Variants in VPS53 observed in about 807,000 individuals in gnomAD.
VPS53 encodes the protein VPS53 subunit of GARP complex.
Under a neutral mutation model 107.0 loss-of-function variants are expected in VPS53, and 70 were observed. The observed-to-expected ratio is 0.65, with a 90% confidence interval of 0.54 to 0.80. VPS53 has a LOEUF of 0.80. Ranked by LOEUF, VPS53 falls within the 30% of genes least tolerant of loss-of-function variation. The pLI, the probability that VPS53 is intolerant of heterozygous loss-of-function variation, is 0.00. For missense variants in VPS53, 917 were observed against 1,049.4 expected (o/e 0.87, Z 1.74); for synonymous variants, 409 against 393.3 (o/e 1.04, Z -0.47).
intron 2 of VPS53, among the ~76,000 whole-genome samples, chr17:709,113 G>A (rs745757274): frequency 1.3e-5 from 2 of 152,104 alleles, no homozygotes; most frequent in South Asian, 2.1e-4. Context: ...AGAACTTCCC[G>A]TTAAGCCCCT....
intron 13 of VPS53, among the ~76,000 whole-genome samples, chr17:564,652 G>C (rs1212905291): frequency 6.6e-6 from 1 of 152,078 alleles, no homozygotes; most frequent in East Asian, 1.9e-4. Context: ...AGGAGGCGGA[G>C]GTTGCTGTGA....
intron 13 of VPS53, among the ~76,000 whole-genome samples, chr17:565,929 C>T (rs1280657847): frequency 6.6e-6 from 1 of 152,154 alleles, no homozygotes; most frequent in African/African-American, 2.4e-5. Flanking sequence ...ACCGGCCGGG[C>T]GCGGTGGCTC....
intron 7 of VPS53, among the ~76,000 whole-genome samples, chr17:643,313 CGAGGACAACACTCATACTTGGCAACT>C (rs1382668521): frequency 8.4e-6 from 1 of 119,746 alleles, no homozygotes; most frequent in African/African-American, 2.7e-5. Context: ...ACTGGGAAAC[CGAGGACAACACTCATACTTGGCAACT>C]GAGGACAACA....
At position 656,666 on chromosome 17, in the gene VPS53, T is replaced by C; in HGVS notation, c.373-713A>G. The C allele has an allele frequency of 5.4e-6, 3 of 560,492 alleles. No homozygotes were observed. The South Asian group carries it at 7.1e-5, about 13-fold the overall frequency. 34.7% of individuals were successfully genotyped at this position (560,492 alleles called of 1,614,324 possible). ...CTTTACTAACACCCAGGTGAAATCA[T>C]CCACTGTGTTTCTTGGTCCATGCTG... On this transcript the variant is annotated intron_variant, in intron 5 of 21. Transcript: ENST00000437048.
At position 515,360 on chromosome 17, in the gene VPS53, T is replaced by C. The variant is rs1908222904; in HGVS notation, c.*3768A>G. 6.6e-6 allele frequency: 1 copy of C among 152,144 alleles called. No individual in the cohort carries two copies. The highest frequency in any genetic ancestry group is 1.5e-5 in the Non-Finnish European group (1 of 68,106). 9.4% of individuals were successfully genotyped at this position (152,144 alleles called of 1,614,324 possible). On this transcript the variant is annotated 3_prime_UTR_variant, in exon 22 of 22. Transcript: ENST00000437048. ...GATCCTCCTGCTTCAGCCTCCTGAG[T>C]AGCTGGGATTACAGGCGCCCACCAC... is the stretch of plus-strand genomic sequence containing the variant.
chr17:553,539 T>A, intron 15 of VPS53, 77 bp from the exon 16 acceptor site: 2 of 1,130,076 alleles, frequency 1.8e-6, no homozygotes, highest in Non-Finnish European at 2.6e-6. Flanking sequence ...AGTTAACATT[T>A]ACTGCGTTTG....
At chr17:563,765 C>A (rs1487037692) in intron 13 of VPS53, among the ~76,000 whole-genome samples, 2 of 152,206 alleles carry the variant, frequency 1.3e-5, no homozygotes, top group Non-Finnish European at 2.9e-5. Context: ...AGCCTTTAAG[C>A]ACTCTACTTC....
chr17:593,240 T>C (rs1056226274), intron 12 of VPS53, among the ~76,000 whole-genome samples: 2 of 151,996 alleles, frequency 1.3e-5, no homozygotes, highest in Admixed American at 6.6e-5. Flanking sequence ...ATTCAGGACA[T>C]AGGCATGGGC....
chr17:662,873 C>CGAAGGAAGGAAG (rs1314091969), intron 4 of VPS53, among the ~76,000 whole-genome samples: 29 of 98,168 alleles, frequency 3.0e-4, no homozygotes, highest in African/African-American at 1.0e-3. Flanking sequence ...AAGGAAGGAA[C>CGAAGGAAGGAAG]GAAGGAAGGA....
At chr17:581,639 G>A (rs951616668) in intron 13 of VPS53, among the ~76,000 whole-genome samples, 8 of 134,142 alleles carry the variant, frequency 6.0e-5, no homozygotes, top group African/African-American at 8.5e-5. Flanking sequence ...CCCTAAGGAC[G>A]TAATGCATTC....
At chr17:568,738 C>A (rs1336956565) in intron 13 of VPS53, among the ~76,000 whole-genome samples, 1 of 152,152 alleles carries the variant, frequency 6.6e-6, no homozygotes, top group African/African-American at 2.4e-5. Context: ...CATGCTAGGA[C>A]CCAAATTTCT....
At chr17:627,042 GGAT>G in intron 10 of VPS53, 129 bp downstream of exon 10, 2 of 1,221,420 alleles carry the variant, frequency 1.6e-6, no homozygotes, top group Non-Finnish European at 2.2e-6. Flanking sequence ...TGGGGTACGA[GGAT>G]GATATTAGTC....
chr17:630,529 A>G (rs115717096), intron 8 of VPS53, among the ~76,000 whole-genome samples: 1 of 152,230 alleles, frequency 6.6e-6, no homozygotes, highest in African/African-American at 2.4e-5. Flanking sequence ...TTCTCCAAGG[A>G]AAGTGCTTTA....
intron 2 of VPS53, among the ~76,000 whole-genome samples, chr17:709,472 T>C (rs1245303340): frequency 2.0e-5 from 3 of 152,220 alleles, no homozygotes; most frequent in Non-Finnish European, 4.4e-5. Context: ...GCAGACAGGC[T>C]ACCTCCTCTC....
At position 697,358 on chromosome 17, in the gene VPS53, C is replaced by A. The variant is rs1006318386; in HGVS notation, c.285+60G>T. 2.8e-6 allele frequency: 4 copies of A among 1,403,576 alleles called. No homozygotes were observed. The South Asian group carries it at 3.5e-5, about 12-fold the overall frequency. 86.9% of individuals were successfully genotyped at this position (1,403,576 alleles called of 1,614,324 possible). A position where few individuals can be genotyped will look rare whatever the true frequency, so the allele number is the denominator to read the frequency against. ...CAAGAGGGCACATCGACGTTTTGGT[C>A]ATCTGGTTGCCGGGAGAAACCAGGG... On this transcript the variant is annotated intron_variant, in intron 4 of 21. Transcript: ENST00000437048.
chr17:628,701 T>A (rs982058212), intron 8 of VPS53, among the ~76,000 whole-genome samples: 1 of 152,180 alleles, frequency 6.6e-6, no homozygotes. Context: ...GTTCTTAAAG[T>A]GCTATGTTTT....
At position 521,724 on chromosome 17, in the gene VPS53, G is replaced by A. The variant is rs758930230; in HGVS notation, c.2100C>T (p.Thr700=). Residue 700 remains threonine (T), a synonymous_variant, in exon 20 of 22, where the codon ACC becomes ACT. Transcript: ENST00000437048. ...MVGAEQLLLD[T]HSLKMVLLDL... is the part of the protein sequence containing the mutation. ...CGAGCAGGACCATCTTCAGCGAGTG[G>A]GTGTCCAGCAGCAGCTGTGGAGCAA... 1 of 1,545,192 alleles carries A rather than the reference G, an allele frequency of 6.5e-7. No homozygotes were observed. Among genetic ancestry groups the A allele is most frequent in the South Asian group, 1.2e-5 (1 of 83,386 alleles).
At chr17:659,857 T>C (rs1353123283) in intron 5 of VPS53, among the ~76,000 whole-genome samples, 1 of 152,198 alleles carries the variant, frequency 6.6e-6, no homozygotes, top group Non-Finnish European at 1.5e-5. Flanking sequence ...CTGGTCTCTT[T>C]ATTCCCAGGA....
At chr17:701,033 T>C (rs906503023) in intron 2 of VPS53, among the ~76,000 whole-genome samples, 1 of 152,090 alleles carries the variant, frequency 6.6e-6, no homozygotes, top group African/African-American at 2.4e-5. Flanking sequence ...GAGGTAAAAA[T>C]GAATCTCAGG....
Sources: allele counts gnomAD v4.1 joint callset (sites outside exome capture counted in the v4.1 genomes callset), GRCh38; gene constraint gnomAD v4.1.1; transcripts MANE v1.5; gene names NCBI Gene and HGNC (gene_info 2026-07-23, HGNC 2026-07-21).